KCND2: variants seen among roughly 807,000 people sequenced by gnomAD.
The protein encoded by KCND2 is potassium voltage-gated channel subfamily D member 2.
KCND2 carries 16 observed loss-of-function variants against 54.4 expected under a neutral mutation model. The ratio of observed to expected loss-of-function variants is 0.29; its 90% CI spans 0.20 to 0.45. The LOEUF (loss-of-function observed/expected upper bound fraction) is 0.45. KCND2 is among the 20% of genes least tolerant of loss of function. The pLI, the probability that KCND2 is intolerant of heterozygous loss-of-function variation, is 1.00. For missense variants in KCND2, 486 were observed against 824.2 expected (o/e 0.59, Z 5.02); for synonymous variants, 317 against 310.7 (o/e 1.02, Z -0.21).
At chr7:120,389,878 C>T (rs957896414) in intron 1 of KCND2, among the ~76,000 whole-genome samples, 1 of 151,850 alleles carries the variant, frequency 6.6e-6, no homozygotes, top group Admixed American at 6.6e-5. Flanking sequence ...TCTCAAATTT[C>T]TGTTCAATAA....
intron 1 of KCND2, among the ~76,000 whole-genome samples, chr7:120,481,620 A>G (rs1304821924): frequency 6.6e-6 from 1 of 152,154 alleles, no homozygotes; most frequent in Non-Finnish European, 1.5e-5. Flanking sequence ...TTCAGGGGTG[A>G]GCCCTGGGTG....
intron 1 of KCND2, among the ~76,000 whole-genome samples, chr7:120,644,943 G>C (rs1477170874): frequency 6.6e-6 from 1 of 152,028 alleles, no homozygotes; most frequent in Middle Eastern, 3.2e-3. Context: ...ATGTGTTGAT[G>C]GAGTTTTTTT....
At chr7:120,523,029 T>C (rs1188619545) in intron 1 of KCND2, among the ~76,000 whole-genome samples, 3 of 152,182 alleles carry the variant, frequency 2.0e-5, no homozygotes, top group African/African-American at 7.2e-5. Context: ...ACAGAGCCCA[T>C]GTAGGTGAAC....
At chr7:120,727,914 TCA>T (rs1326785672) in intron 1 of KCND2, among the ~76,000 whole-genome samples, 2 of 151,794 alleles carry the variant, frequency 1.3e-5, no homozygotes, top group Non-Finnish European at 2.9e-5. Context: ...GGACGGTGGA[TCA>T]CAAAGTCAGG....
intron 1 of KCND2, among the ~76,000 whole-genome samples, chr7:120,290,279 C>A (rs1372694038): frequency 6.6e-6 from 1 of 152,048 alleles, no homozygotes; most frequent in East Asian, 1.9e-4. Context: ...TGACATACAA[C>A]TACCTACATA....
intron 1 of KCND2, among the ~76,000 whole-genome samples, chr7:120,638,637 A>G (rs190456621): frequency 1.3e-3 from 199 of 152,244 alleles, no homozygotes; most frequent in Non-Finnish European, 1.9e-3. Flanking sequence ...ATGACAAATG[A>G]TTACCTCCCT....
chr7:120,742,375 T>A, intron 3 of KCND2, 135 bp from the exon 4 acceptor site: 2 of 759,368 alleles, frequency 2.6e-6, no homozygotes, highest in Non-Finnish European at 4.7e-6. Context: ...GAACTGCACA[T>A]TTGTTCCTTT....
At chr7:120,575,202 G>A (rs1337773748) in intron 1 of KCND2, among the ~76,000 whole-genome samples, 1 of 152,142 alleles carries the variant, frequency 6.6e-6, no homozygotes, top group East Asian at 1.9e-4. Context: ...TCTGCAAGCT[G>A]AGGATCAAGG....
At chr7:120,278,650 T>C (rs1475131425) in intron 1 of KCND2, among the ~76,000 whole-genome samples, 1 of 151,718 alleles carries the variant, frequency 6.6e-6, no homozygotes, top group African/African-American at 2.4e-5. Flanking sequence ...AGTGTGTCTA[T>C]CTTAGAACCA....
At chr7:120,592,790 G>A (rs562738747) in intron 1 of KCND2, among the ~76,000 whole-genome samples, 55 of 152,172 alleles carry the variant, frequency 3.6e-4, no homozygotes, top group African/African-American at 1.3e-3. Flanking sequence ...ATAAAATTAG[G>A]TTCATTTTTA....
At chr7:120,595,490 T>G (rs1335806033) in intron 1 of KCND2, among the ~76,000 whole-genome samples, 4 of 144,912 alleles carry the variant, frequency 2.8e-5, no homozygotes. Context: ...TGTGTATATA[T>G]ATATATATGT....
intron 1 of KCND2, among the ~76,000 whole-genome samples, chr7:120,320,736 A>C (rs1799882838): frequency 6.6e-6 from 1 of 152,160 alleles, no homozygotes; most frequent in Admixed American, 6.6e-5. Context: ...GCAAAAGCAA[A>C]GAACTAAGAG....
chr7:120,296,699 G>C (rs1037403443), intron 1 of KCND2, among the ~76,000 whole-genome samples: 2 of 152,014 alleles, frequency 1.3e-5, no homozygotes, highest in Admixed American at 6.6e-5. Flanking sequence ...TAGTTGCTAA[G>C]AGAACCAGTT....
At chr7:120,356,986 A>G (rs1172186017) in intron 1 of KCND2, among the ~76,000 whole-genome samples, 1 of 152,108 alleles carries the variant, frequency 6.6e-6, no homozygotes, top group Non-Finnish European at 1.5e-5. Context: ...TGTGCTTTTC[A>G]GTACTGCTTT....
intron 1 of KCND2, among the ~76,000 whole-genome samples, chr7:120,320,037 A>G (rs1799871464): frequency 6.6e-6 from 1 of 152,120 alleles, no homozygotes; most frequent in Admixed American, 6.6e-5. Flanking sequence ...CTGAAATTAA[A>G]ATATATTGAG....
chr7:120,606,001 T>G (rs1239756101), intron 1 of KCND2, among the ~76,000 whole-genome samples: 1 of 152,150 alleles, frequency 6.6e-6, no homozygotes, highest in African/African-American at 2.4e-5. Context: ...AGATAGTGAA[T>G]AAGTCTCATG....
chr7:120,465,196 T>A (rs545819375), intron 1 of KCND2, among the ~76,000 whole-genome samples: 1 of 152,180 alleles, frequency 6.6e-6, no homozygotes, highest in Admixed American at 6.5e-5. Context: ...TTAAGGATGG[T>A]GGGAAAGTCC....
chr7:120,692,571 C>T (rs1584885833), intron 1 of KCND2, among the ~76,000 whole-genome samples: 1 of 152,104 alleles, frequency 6.6e-6, no homozygotes, highest in East Asian at 1.9e-4. Context: ...TCCTTTAATA[C>T]AAAGTTAATC....
At chr7:120,466,058 T>C (rs1444235398) in intron 1 of KCND2, among the ~76,000 whole-genome samples, 2 of 152,318 alleles carry the variant, frequency 1.3e-5, no homozygotes, top group East Asian at 3.9e-4. Context: ...CATTATAAGA[T>C]GTTTAACAGC....
Sources: allele counts gnomAD v4.1 joint callset (sites outside exome capture counted in the v4.1 genomes callset), GRCh38; gene constraint gnomAD v4.1.1; transcripts MANE v1.5; gene names NCBI Gene and HGNC (gene_info 2026-07-23, HGNC 2026-07-21).